LDB2: variants seen among roughly 807,000 people sequenced by gnomAD.
LDB2 encodes the protein LIM domain binding 2, also known as LIM domain-binding protein 2.
A neutral mutation model predicts 44.3 loss-of-function variants in LDB2; 12 were observed. The ratio of observed to expected loss-of-function variants is 0.27; its 90% CI spans 0.17 to 0.44. The LOEUF (loss-of-function observed/expected upper bound fraction) is 0.44, where lower values mean the gene tolerates loss of function less well. Among genes scored for constraint, LDB2 ranks in the 20% least tolerant of loss-of-function variants. The pLI is 1.00. For missense variants in LDB2, 344 were observed against 473.5 expected, an observed-to-expected ratio of 0.73 and a Z score of 2.54; for synonymous variants, 164 against 174.8, an observed-to-expected ratio of 0.94 and a Z score of 0.49.
intron 1 of LDB2, among the ~76,000 whole-genome samples, chr4:16,897,769 T>C (rs1000153007): frequency 1.3e-5 from 2 of 151,704 alleles, no homozygotes; most frequent in African/African-American, 4.8e-5. Flanking sequence ...CAAACATGTG[T>C]CCCTCCAGGG....
At chr4:16,667,401 A>G (rs770834390) in intron 2 of LDB2, among the ~76,000 whole-genome samples, 12 of 152,140 alleles carry the variant, frequency 7.9e-5, no homozygotes, top group Non-Finnish European at 1.6e-4. Context: ...GCAATGTGCC[A>G]TTATCATTTT....
intron 5 of LDB2, among the ~76,000 whole-genome samples, chr4:16,528,296 A>G (rs1026754959): frequency 1.3e-5 from 2 of 152,212 alleles, no homozygotes; most frequent in African/African-American, 4.8e-5. Flanking sequence ...AAATCTCACA[A>G]ATCACCAGTA....
At chr4:16,626,581 A>G (rs562992433) in intron 2 of LDB2, among the ~76,000 whole-genome samples, 1 of 152,192 alleles carries the variant, frequency 6.6e-6, no homozygotes, top group Non-Finnish European at 1.5e-5. Flanking sequence ...TACAACTTGC[A>G]CTTATTTCCA....
At chr4:16,742,987 T>G (rs1763639556) in intron 2 of LDB2, among the ~76,000 whole-genome samples, 1 of 151,986 alleles carries the variant, frequency 6.6e-6, no homozygotes, top group Admixed American at 6.6e-5. Flanking sequence ...CAGTTTTCCC[T>G]TGTTTGAAGA....
chr4:16,809,477 A>C (rs1779387224), intron 1 of LDB2, among the ~76,000 whole-genome samples: 1 of 152,188 alleles, frequency 6.6e-6, no homozygotes, highest in Non-Finnish European at 1.5e-5. Flanking sequence ...GGGCAGATGC[A>C]GGCACAATTA....
At chr4:16,681,775 G>T (rs1681780086) in intron 2 of LDB2, among the ~76,000 whole-genome samples, 1 of 151,874 alleles carries the variant, frequency 6.6e-6, no homozygotes, top group Admixed American at 6.6e-5. Context: ...GTTTCACCGT[G>T]TTAGCCAGGA....
rs180888943 is a variant in LDB2 at position 16,633,989 on chromosome 4, C to A, written c.236-38114G>T. 3.2e-3 allele frequency among the ~76,000 whole-genome samples: 489 copies of A among 152,274 alleles called. 1 individual carries two copies. Among genetic ancestry groups the A allele is most frequent in the African/African-American group, 0.011 (475 of 41,550 alleles). On this transcript the variant is annotated intron_variant, in intron 2 of 7. Transcript: ENST00000304523. Reference sequence around the variant, plus strand: ...CTACCACCATCTGATCTTTGACAAACTTGACACACACAAGCAATGGGGAAA... The same window carrying A: ...CTACCACCATCTGATCTTTGACAAAATTGACACACACAAGCAATGGGGAAA...
intron 2 of LDB2, among the ~76,000 whole-genome samples, chr4:16,708,802 G>T (rs1316391536): frequency 1.3e-5 from 2 of 151,994 alleles, no homozygotes; most frequent in Non-Finnish European, 2.9e-5. Flanking sequence ...TGCTCTCTGT[G>T]GGAGCTATCT....
chr4:16,601,033 C>T (rs1419697801), intron 2 of LDB2, among the ~76,000 whole-genome samples: 1 of 151,710 alleles, frequency 6.6e-6, no homozygotes, highest in African/African-American at 2.4e-5. Flanking sequence ...ATGAAAGAAA[C>T]TGCGTGTAGA....
At chr4:16,526,028 G>A (rs1024660935) in intron 5 of LDB2, among the ~76,000 whole-genome samples, 6 of 152,278 alleles carry the variant, frequency 3.9e-5, no homozygotes, top group East Asian at 1.9e-4. Flanking sequence ...TACTGTTATC[G>A]TTAATTTTTG....
chr4:16,563,790 G>A (rs1743463475), intron 5 of LDB2, among the ~76,000 whole-genome samples: 1 of 151,912 alleles, frequency 6.6e-6, no homozygotes, highest in Non-Finnish European at 1.5e-5. Flanking sequence ...ATAGCAGAAA[G>A]ACTGGAAGGC....
At chr4:16,841,157 A>T (rs114429) in intron 1 of LDB2, among the ~76,000 whole-genome samples, 1 of 151,954 alleles carries the variant, frequency 6.6e-6, no homozygotes, top group African/African-American at 2.4e-5. Flanking sequence ...TACCCCTGTA[A>T]AAAAAGATTC....
chr4:16,671,108 CA>C lies in LDB2; in HGVS notation c.236-75234del, dbSNP rs200098086. Among the ~76,000 whole-genome samples, 417 of 111,486 alleles carry C rather than the reference CA, an allele frequency of 3.7e-3. 2 individuals are homozygous for C. The highest frequency in any genetic ancestry group is 9.9e-3 in the African/African-American group (335 of 33,944). 73.1% of individuals were successfully genotyped at this position (111,486 alleles called of 152,430 possible). ...AAAATTCTTTTTAAAATAGCACATA[CA>C]AAAAAAAAAAACAAAAAAAACAAGT... On this transcript the variant is annotated intron_variant, in intron 2 of 7. Coordinates refer to ENST00000304523, the MANE Select transcript of LDB2 (RefSeq NM_001290.5).
intron 1 of LDB2, among the ~76,000 whole-genome samples, chr4:16,811,646 T>A (rs1208405360): frequency 1.3e-5 from 2 of 152,362 alleles, no homozygotes; most frequent in Non-Finnish European, 2.9e-5. Flanking sequence ...TTAAACATAT[T>A]AATTGAATTT....
At chr4:16,748,583 A>C (rs1041810854) in intron 2 of LDB2, among the ~76,000 whole-genome samples, 6 of 152,166 alleles carry the variant, frequency 3.9e-5, no homozygotes, top group Non-Finnish European at 8.8e-5. Flanking sequence ...ATTTTACCTC[A>C]TCTACATAAA....
At chr4:16,597,568 A>G (rs1364101124) in intron 2 of LDB2, among the ~76,000 whole-genome samples, 1 of 152,244 alleles carries the variant, frequency 6.6e-6, no homozygotes, top group East Asian at 1.9e-4. Context: ...AAAGCTAATT[A>G]TCACAAATCA....
rs550635998 is a variant in LDB2, at chr4:16,646,849, T to C, written c.236-50974A>G. On this transcript the variant is annotated intron_variant, in intron 2 of 7. Coordinates refer to ENST00000304523, the MANE Select transcript of LDB2 (RefSeq NM_001290.5). ...AAACAATGGTCAATATATCAGATAT[T>C]AATAGAAAAGGGGAAAAGCATGCAG... 2.2e-4 allele frequency among the ~76,000 whole-genome samples: 34 copies of C among 152,262 alleles called. No homozygotes were observed. In the South Asian group the frequency reaches 7.0e-3, roughly 32 times the overall value.
At chr4:16,625,825 T>A (rs1368978945) in intron 2 of LDB2, among the ~76,000 whole-genome samples, 1 of 152,144 alleles carries the variant, frequency 6.6e-6, no homozygotes, top group Non-Finnish European at 1.5e-5. Context: ...AAAGAGTGTC[T>A]CCAATGTCTC....
Position 16,621,822 on chromosome 4 carries a change from G to T in LDB2, c.236-25947C>A, listed in dbSNP as rs149001095. ...AATCTTTCCACCTCAGCCTCCCAAA[G>T]TGCTAGGATTACAGGTGTAAACCAC... On this transcript the variant is annotated intron_variant, in intron 2 of 7. Coordinates refer to ENST00000304523, the MANE Select transcript of LDB2 (RefSeq NM_001290.5). Among the ~76,000 whole-genome samples, 851 of 152,270 alleles carry T rather than the reference G, an allele frequency of 5.6e-3. 12 individuals carry two copies. Among genetic ancestry groups the T allele is most frequent in the African/African-American group, 0.02 (823 of 41,558 alleles).
Sources: gnomAD v4.1 joint callset for allele counts (sites outside exome capture counted in the v4.1 genomes callset) on GRCh38, gnomAD v4.1.1 for gene constraint, MANE v1.5 for transcripts, NCBI Gene and HGNC (gene_info 2026-07-23, HGNC 2026-07-21) for gene names.